Variants in CREB5 observed in about 807,000 individuals in gnomAD.
CREB5 encodes the protein cAMP responsive element binding protein 5, also known as cyclic AMP-responsive element-binding protein 5.
In CREB5, 19 loss-of-function variants were observed where a neutral mutation model predicts 57.1. The ratio of observed to expected loss-of-function variants is 0.33; its 90% CI spans 0.23 to 0.49. The LOEUF (loss-of-function observed/expected upper bound fraction) is 0.49. Among genes scored for constraint, CREB5 ranks in the 20% least tolerant of loss-of-function variants. The pLI is 0.99. For synonymous variants in CREB5, 238 were observed against 238.3 expected, an observed-to-expected ratio of 1.00 and a Z score of 0.01; for missense variants, 579 against 671.6, an observed-to-expected ratio of 0.86 and a Z score of 1.52.
At chr7:28,320,623 C>T (rs556151088) in intron 1 of CREB5, among the ~76,000 whole-genome samples, 17 of 152,126 alleles carry the variant, frequency 1.1e-4, no homozygotes, top group Non-Finnish European at 2.1e-4. Context: ...AAGCCAAGTA[C>T]GGGCCCATAT....
intron 5 of CREB5, among the ~76,000 whole-genome samples, chr7:28,577,702 G>GT (rs895937165): frequency 1.6e-4 from 25 of 152,300 alleles, no homozygotes; most frequent in African/African-American, 6.0e-4. Flanking sequence ...CCAGGTTTAA[G>GT]TTTTTTCACC....
intron 1 of CREB5, among the ~76,000 whole-genome samples, chr7:28,362,648 G>C (rs1341621639): frequency 2.6e-5 from 4 of 152,146 alleles, no homozygotes; most frequent in Non-Finnish European, 5.9e-5. Context: ...TCCAAGTTTA[G>C]ATTGAATTGT....
intron 5 of CREB5, among the ~76,000 whole-genome samples, chr7:28,587,248 G>T (rs1352869568): frequency 6.6e-6 from 1 of 152,210 alleles, no homozygotes; most frequent in African/African-American, 2.4e-5. Context: ...GAGACTGAAA[G>T]ACACTGAAAT....
intron 5 of CREB5, among the ~76,000 whole-genome samples, chr7:28,708,152 C>T (rs920235956): frequency 3.9e-5 from 6 of 152,178 alleles, no homozygotes; most frequent in Non-Finnish European, 7.3e-5. Context: ...AGAGTTTGCT[C>T]AGCCTTGTTA....
At chr7:28,590,645 T>A (rs1333224343) in intron 5 of CREB5, among the ~76,000 whole-genome samples, 1 of 150,284 alleles carries the variant, frequency 6.7e-6, no homozygotes, top group East Asian at 2.0e-4. Flanking sequence ...ACCTGCACGT[T>A]GTGCGCATGT....
chr7:28,755,289 A>G (rs778639464), intron 7 of CREB5, among the ~76,000 whole-genome samples: 3 of 152,216 alleles, frequency 2.0e-5, no homozygotes, highest in Admixed American at 6.5e-5. Context: ...GTTGAGAACA[A>G]TAGTGTAAAG....
At chr7:28,698,810 C>T (rs1379655116) in intron 5 of CREB5, among the ~76,000 whole-genome samples, 1 of 152,168 alleles carries the variant, frequency 6.6e-6, no homozygotes, top group African/African-American at 2.4e-5. Flanking sequence ...TATAATTTCT[C>T]CACACCTCAG....
intron 4 of CREB5, among the ~76,000 whole-genome samples, chr7:28,560,901 C>T (rs1180386019): frequency 0.035 from 757 of 21,472 alleles, 91 homozygotes; most frequent in African/African-American, 0.082. Flanking sequence ...TGTGTGCGTG[C>T]GCGCGTGCGT....
At chr7:28,668,149 GGACACGGAAA>G (rs1799897474) in intron 5 of CREB5, among the ~76,000 whole-genome samples, 1 of 152,084 alleles carries the variant, frequency 6.6e-6, no homozygotes, top group Non-Finnish European at 1.5e-5. Flanking sequence ...ATTGTTATGA[GGACACGGAAA>G]GAAACTTCAT....
rs749701342 is a variant in CREB5, at chr7:28,805,771, C to T, written c.1026+1249C>T. Among the ~76,000 whole-genome samples, 43 of 152,120 alleles carry T rather than the reference C, an allele frequency of 2.8e-4. 1 individual carries two copies. Among genetic ancestry groups the T allele is most frequent in the Admixed American group, 1.2e-3 (18 of 15,280 alleles). On this transcript the variant is annotated intron_variant, in intron 8 of 10. Coordinates refer to ENST00000357727, the MANE Select transcript of CREB5 (RefSeq NM_182898.4). Reference sequence around the variant, plus strand: ...ACTGTGTGATTGTGAACAGAAACAACCTCTCTACCCCTCAGTTTTCCCATC... The same window carrying T: ...ACTGTGTGATTGTGAACAGAAACAATCTCTCTACCCCTCAGTTTTCCCATC...
Position 28,560,859 on chromosome 7 carries a change from C to CGCGCGTGCATGCGCGTGT in CREB5, c.292-9505_292-9504insCGCGTGCATGCGCGTGTG, listed in dbSNP as rs1795110648. Among the ~76,000 whole-genome samples, 38 of 32,716 alleles carry CGCGCGTGCATGCGCGTGT rather than the reference C, an allele frequency of 1.2e-3. 6 individuals are homozygous for CGCGCGTGCATGCGCGTGT. Among genetic ancestry groups the CGCGCGTGCATGCGCGTGT allele is most frequent in the Middle Eastern group, 0.022 (1 of 46 alleles). The allele number at this position is 32,716 out of a possible 152,430, so 21.5% of individuals were successfully genotyped here. On this transcript the variant is annotated intron_variant, in intron 4 of 10. Coordinates refer to ENST00000357727, the MANE Select transcript of CREB5 (RefSeq NM_182898.4). ...GTGTGTGTGTGCGCGTGTGTGTGTG[C>CGCGCGTGCATGCGCGTGT]GTGTGCCTGCGTGCGCGTGCGTGCG...
chr7:28,317,207 TCACA>T (rs1240236205), intron 1 of CREB5, among the ~76,000 whole-genome samples: 2 of 152,114 alleles, frequency 1.3e-5, no homozygotes, highest in Non-Finnish European at 2.9e-5. Flanking sequence ...AACTGACATC[TCACA>T]CAGAAAAGGA....
intron 5 of CREB5, among the ~76,000 whole-genome samples, chr7:28,677,278 A>C (rs1800365594): frequency 6.6e-6 from 1 of 152,174 alleles, no homozygotes; most frequent in South Asian, 2.1e-4. Flanking sequence ...TAGCATCAAA[A>C]TCTCTGGGGA....
intron 7 of CREB5, among the ~76,000 whole-genome samples, chr7:28,798,427 G>T (rs1045407040): frequency 6.6e-6 from 1 of 152,156 alleles, no homozygotes; most frequent in South Asian, 2.1e-4. Context: ...AAGCATGCAC[G>T]CTCGTGGCAG....
At chr7:28,382,399 G>A (rs1786983829) in intron 1 of CREB5, among the ~76,000 whole-genome samples, 1 of 152,110 alleles carries the variant, frequency 6.6e-6, no homozygotes, top group Admixed American at 6.5e-5. Flanking sequence ...CAGGCTCAGG[G>A]CCTCCTGAAG....
Position 28,810,635 on chromosome 7 carries a change from G to A in CREB5, c.1254+1221G>A, listed in dbSNP as rs915988031. 3.3e-5 allele frequency among the ~76,000 whole-genome samples: 5 copies of A among 152,166 alleles called. No individual in the cohort carries two copies. The East Asian group carries it at 7.7e-4, about 23-fold the overall frequency. ...GGCTTGAATGCAGGAGGGAGAGGCTGTAGTGAGCCAAGATCGCACCACGGT... is the reference window on the plus strand; with the variant it reads ...GGCTTGAATGCAGGAGGGAGAGGCTATAGTGAGCCAAGATCGCACCACGGT... On this transcript the variant is annotated intron_variant, in intron 9 of 10. Coordinates refer to ENST00000357727, the MANE Select transcript of CREB5 (RefSeq NM_182898.4).
intron 5 of CREB5, among the ~76,000 whole-genome samples, chr7:28,689,042 G>A (rs528431994): frequency 3.3e-5 from 5 of 152,116 alleles, no homozygotes; most frequent in Admixed American, 1.3e-4. Flanking sequence ...ACTTACCCAC[G>A]GTAACCCAGA....
chr7:28,376,506 G>C (rs1423735765), intron 1 of CREB5, among the ~76,000 whole-genome samples: 1 of 152,080 alleles, frequency 6.6e-6, no homozygotes, highest in Non-Finnish European at 1.5e-5. Context: ...CTGACCTCAG[G>C]TGATCCACCT....
chr7:28,706,072 C>T (rs1418499325), intron 5 of CREB5, among the ~76,000 whole-genome samples: 1 of 152,204 alleles, frequency 6.6e-6, no homozygotes, highest in Non-Finnish European at 1.5e-5. Flanking sequence ...AAAAAATCTT[C>T]AGCCGGGTGC....
Sources: gnomAD v4.1 joint callset for allele counts (sites outside exome capture counted in the v4.1 genomes callset) on GRCh38, gnomAD v4.1.1 for gene constraint, MANE v1.5 for transcripts, NCBI Gene and HGNC (gene_info 2026-07-23, HGNC 2026-07-21) for gene names.